The following PCDH9 variants were observed in gnomAD, a reference collection of about 807,000 sequenced individuals.
The protein encoded by PCDH9 is protocadherin 9, also known as protocadherin-9.
PCDH9 carries 24 observed loss-of-function variants against 70.6 expected under a neutral mutation model. The observed-to-expected ratio is 0.34, with a 90% confidence interval of 0.25 to 0.48. The LOEUF (loss-of-function observed/expected upper bound fraction) is 0.48, where lower values mean the gene tolerates loss of function less well. Among genes scored for constraint, PCDH9 ranks in the 20% least tolerant of loss-of-function variants. The probability of loss-of-function intolerance (pLI) is 0.99; values close to 1 mark genes in which losing one functional copy is unlikely to be tolerated. For missense variants in PCDH9, 1,281 were observed against 1,503.6 expected (o/e 0.85, Z 2.45); for synonymous variants, 562 against 558.5 (o/e 1.01, Z -0.09).
chr13:66,416,838 A>G lies in PCDH9; in HGVS notation c.3341-111810T>C, dbSNP rs529659824. Reference sequence around the variant, plus strand: ...CTGAATGCCAAAGAGAGAATTTGTTAGAAGAAGTTATTAGGAGACACATCC... The same window carrying G: ...CTGAATGCCAAAGAGAGAATTTGTTGGAAGAAGTTATTAGGAGACACATCC... On this transcript the variant is annotated intron_variant, in intron 4 of 4. Transcript: ENST00000377865. 4.6e-4 allele frequency among the ~76,000 whole-genome samples: 70 copies of G among 152,308 alleles called. 1 individual carries two copies. Among genetic ancestry groups the G allele is most frequent in the African/African-American group, 1.6e-3 (67 of 41,582 alleles).
chr13:66,308,897 TAAAAAC>T (rs1164459507), intron 4 of PCDH9, among the ~76,000 whole-genome samples: 5 of 151,908 alleles, frequency 3.3e-5, no homozygotes, highest in Admixed American at 2.6e-4. Flanking sequence ...CAGCAAAAAA[TAAAAAC>T]AAAAACAAAA....
At chr13:67,027,866 G>A (rs1282394528) in intron 2 of PCDH9, among the ~76,000 whole-genome samples, 1 of 151,804 alleles carries the variant, frequency 6.6e-6, no homozygotes, top group East Asian at 1.9e-4. Context: ...AAACCACAAT[G>A]AGATACCATC....
chr13:67,197,857 T>C (rs2089111406), intron 2 of PCDH9, among the ~76,000 whole-genome samples: 1 of 151,886 alleles, frequency 6.6e-6, no homozygotes, highest in African/African-American at 2.4e-5. Context: ...CTCTTAAATG[T>C]ATCAATTAAT....
chr13:66,991,092 CAG>C (rs2083993643), intron 2 of PCDH9: 2 of 151,912 alleles, frequency 1.3e-5, no homozygotes, highest in African/African-American at 4.8e-5. Context: ...TCATCTGGAC[CAG>C]AGTCGGTAAT....
intron 3 of PCDH9, among the ~76,000 whole-genome samples, chr13:66,656,031 T>C (rs554250385): frequency 5.3e-5 from 8 of 152,224 alleles, no homozygotes; most frequent in African/African-American, 1.2e-4. Flanking sequence ...CTGCTCACAA[T>C]TGATTCTAAG....
At chr13:67,205,641 A>G (rs563773477) in intron 2 of PCDH9, 1 of 152,184 alleles carries the variant, frequency 6.6e-6, no homozygotes, top group Non-Finnish European at 1.5e-5. Context: ...TCCATCATCC[A>G]TATGCACTAC....
intron 3 of PCDH9, among the ~76,000 whole-genome samples, chr13:66,854,624 T>C (rs934371147): frequency 7.2e-6 from 1 of 138,504 alleles, no homozygotes; most frequent in Admixed American, 7.1e-5. Flanking sequence ...TTAGTGCCAC[T>C]TTTTTTTTTG....
intron 3 of PCDH9, among the ~76,000 whole-genome samples, chr13:66,722,982 A>C (rs1279184585): frequency 1.3e-5 from 2 of 151,958 alleles, no homozygotes. Context: ...AAAAAAAAAA[A>C]AAAAGTGATG....
intron 4 of PCDH9, among the ~76,000 whole-genome samples, chr13:66,486,681 G>C (rs1594054305): frequency 6.7e-6 from 1 of 149,176 alleles, no homozygotes; most frequent in East Asian, 2.0e-4. Context: ...CTATTTATTT[G>C]AGTTTAGATA....
chr13:67,164,698 T>C (rs973811222), intron 2 of PCDH9, among the ~76,000 whole-genome samples: 2 of 152,202 alleles, frequency 1.3e-5, no homozygotes, highest in Admixed American at 6.5e-5. Context: ...CACCTTTCCA[T>C]TGTTAGATGG....
intron 3 of PCDH9, among the ~76,000 whole-genome samples, chr13:66,764,845 C>T (rs116932377): frequency 0.01 from 1,578 of 152,052 alleles, 12 homozygotes; most frequent in Non-Finnish European, 0.013. Flanking sequence ...ATTATCAGAA[C>T]TCTGAAATAG....
chr13:66,624,840 GAGAA>G (rs1346612664), intron 4 of PCDH9, among the ~76,000 whole-genome samples: 2 of 152,070 alleles, frequency 1.3e-5, no homozygotes, highest in Admixed American at 6.6e-5. Flanking sequence ...CAAAACAATA[GAGAA>G]AGAAAGAGGA....
chr13:66,488,913 G>A (rs1158457941), intron 4 of PCDH9, among the ~76,000 whole-genome samples: 1 of 151,930 alleles, frequency 6.6e-6, no homozygotes, highest in Non-Finnish European at 1.5e-5. Context: ...CTAGAAAAAT[G>A]GTTTTATTAA....
Position 66,390,749 on chromosome 13 carries a change from T to C in PCDH9, c.3341-85721A>G, listed in dbSNP as rs1310607393. 2.9e-5 allele frequency among the ~76,000 whole-genome samples: 4 copies of C among 138,796 alleles called. No individual in the cohort carries two copies. The East Asian group carries it at 8.9e-4, about 31-fold the overall frequency. 91.1% of individuals were successfully genotyped at this position (138,796 alleles called of 152,430 possible). On this transcript the variant is annotated intron_variant, in intron 4 of 4. Coordinates refer to ENST00000377865, the MANE Select transcript of PCDH9 (RefSeq NM_203487.3). ...GAGTCATCTCAAAAAAAAAAAAAAA[T>C]CTGGGCAAAATCATCCCACCTACAA...
At chr13:66,780,811 T>C (rs1188529999) in intron 3 of PCDH9, among the ~76,000 whole-genome samples, 1 of 152,332 alleles carries the variant, frequency 6.6e-6, no homozygotes, top group Non-Finnish European at 1.5e-5. Context: ...TTATCTCCAG[T>C]GCCTAGAACA....
intron 3 of PCDH9, among the ~76,000 whole-genome samples, chr13:66,723,112 T>C (rs2078963422): frequency 6.6e-6 from 1 of 152,128 alleles, no homozygotes; most frequent in South Asian, 2.1e-4. Context: ...TTTTTTGGCT[T>C]GAGTAAGTTA....
intron 4 of PCDH9, among the ~76,000 whole-genome samples, chr13:66,465,066 T>A (rs1340459141): frequency 6.6e-6 from 1 of 151,852 alleles, no homozygotes; most frequent in Non-Finnish European, 1.5e-5. Flanking sequence ...TGGTGAAAAG[T>A]GAAGTTTCAG....
intron 2 of PCDH9, among the ~76,000 whole-genome samples, chr13:66,903,823 A>G (rs2082315687): frequency 6.6e-6 from 1 of 152,054 alleles, no homozygotes; most frequent in Non-Finnish European, 1.5e-5. Context: ...CTAAAACTAA[A>G]GAAATATAAA....
At chr13:66,561,208 C>T (rs1002074557) in intron 4 of PCDH9, among the ~76,000 whole-genome samples, 3 of 152,228 alleles carry the variant, frequency 2.0e-5, no homozygotes, top group Non-Finnish European at 4.4e-5. Flanking sequence ...AGCGCCTGGG[C>T]CAGCAGCTGC....
Sources: allele counts gnomAD v4.1 joint callset (sites outside exome capture counted in the v4.1 genomes callset), GRCh38; gene constraint gnomAD v4.1.1; transcripts MANE v1.5; gene names NCBI Gene and HGNC (gene_info 2026-07-23, HGNC 2026-07-21).